Variants in HLA-F observed in about 807,000 individuals in gnomAD.
The protein encoded by HLA-F is HLA class I histocompatibility antigen, alpha chain F.
In HLA-F, 46 loss-of-function variants were observed where a neutral mutation model predicts 49.5. That is an observed-to-expected ratio of 0.93 (90% CI 0.73 to 1.19). The LOEUF is 1.19. Ranked by LOEUF, HLA-F falls within the 50% of genes most tolerant of loss-of-function variation. The probability of loss-of-function intolerance (pLI) is 0.00; values close to 1 mark genes in which losing one functional copy is unlikely to be tolerated. For synonymous variants in HLA-F, 203 were observed against 233.5 expected, an observed-to-expected ratio of 0.87 and a Z score of 1.19; for missense variants, 496 against 579.6, an observed-to-expected ratio of 0.86 and a Z score of 1.48.
intron 3 of HLA-F, 75 bp from the exon 4 acceptor site, chr6:29,724,956 C>A: frequency 6.5e-7 from 1 of 1,529,222 alleles, no homozygotes; most frequent in Non-Finnish European, 8.9e-7. Flanking sequence ...TGTCCATTCT[C>A]AGGTTGGTCA....
chr6:29,728,257 C>T, downstream of HLA-F: 1 of 362,428 alleles, frequency 2.8e-6, no homozygotes, highest in South Asian at 2.1e-5. Flanking sequence ...AACTGAGGGA[C>T]ACCCTGAAGG....
chr6:29,730,651 G>T (rs2127594251), downstream of HLA-F, among the ~76,000 whole-genome samples: 2 of 152,056 alleles, frequency 1.3e-5, no homozygotes, highest in Admixed American at 1.3e-4. Context: ...CTCAAGAACT[G>T]TAAACCAGAA....
chr6:29,732,632 C>T (rs1776723629), intron 3 of HLA-F, among the ~76,000 whole-genome samples: 1 of 151,776 alleles, frequency 6.6e-6, no homozygotes. Context: ...TTTTTTAGTA[C>T]AGATGGGGTT....
intron 3 of HLA-F, 117 bp from the exon 4 acceptor site, chr6:29,724,914 G>A: frequency 2.5e-6 from 3 of 1,184,868 alleles, no homozygotes; most frequent in Non-Finnish European, 3.6e-6. Context: ...TGGTGTCTGG[G>A]TTCTGTGCTC....
chr6:29,723,989 G>C, intron 2 of HLA-F, 62 bp downstream of exon 2: 9 of 1,558,406 alleles, frequency 5.8e-6, no homozygotes, highest in Non-Finnish European at 6.9e-6. Flanking sequence ...GGACCGCCCG[G>C]GTCCCTCAGA....
Position 29,723,697 on chromosome 6 carries a change from G to T in HLA-F, c.104G>T (p.Arg35Leu). Residue 35 changes from arginine to leucine, a missense_variant, in exon 2 of 7, where the codon CGG becomes CTG. Coordinates refer to ENST00000259951, the MANE Select transcript of HLA-F (RefSeq NM_001098479.2). The stretch of plus-strand genomic sequence containing the variant: ...AGGTATTTCAGCACCGCTGTGTCGC[G>T]GCCCGGCCGCGGGGAGCCCCGCTAC... The part of the protein sequence containing the change: ...SLRYFSTAVS[R>L]PGRGEPRYIA... 6.2e-7 allele frequency: 1 copy of T among 1,611,498 alleles called. No homozygotes were observed. The highest frequency in any genetic ancestry group is 8.5e-7 in the Non-Finnish European group (1 of 1,179,600).
intron 3 of HLA-F, chr6:29,736,380 A>AT (rs1777101685): frequency 4.4e-6 from 2 of 453,164 alleles, no homozygotes; most frequent in Non-Finnish European, 8.8e-6. Context: ...TATTTCATAG[A>AT]TTTTTAATAA....
Position 29,726,991 on chromosome 6 carries a change from T to C in HLA-F, c.1145T>C (p.Leu382Ser), listed in dbSNP as rs934278649. 7 of 1,613,346 alleles carry C rather than the reference T, an allele frequency of 4.3e-6. No homozygotes were observed. The African/African-American group carries it at 8.0e-5, about 18-fold the overall frequency. Reference protein sequence around the residue: ...YLGCLRSHSVLGRRKVGDMWI... With the variant: ...YLGCLRSHSVSGRRKVGDMWI... ...GGCTGCCTCCGGAGTCACAGTGTCT[T>C]GGGCCGCCGGAAGGTGGGTGACATG... Residue 382 changes from leucine (L) to serine (S), a missense_variant, in exon 7 of 7, where the codon TTG becomes TCG. Physicochemically the swap from Leu to Ser is moderately radical, Grantham distance 145. Coordinates refer to ENST00000259951, the MANE Select transcript of HLA-F (RefSeq NM_001098479.2).
rs17875379 is a variant in HLA-F at position 29,723,501 on chromosome 6, C to T, written c.38C>T (p.Ala13Val). The change falls in exon 1 of 7, where the codon GCC becomes GTC. Residue 13 changes from alanine to valine, a missense_variant. Transcript: ENST00000259951. ...PRSLLLLLSGALALTDTWAGS... is the reference protein window; with the variant it reads ...PRSLLLLLSGVLALTDTWAGS... ...AGCCTCCTCCTGCTGCTCTCAGGGG[C>T]CCTGGCCCTGACCGATACTTGGGCG... 1,468 of 1,613,484 alleles carry T rather than the reference C, an allele frequency of 9.1e-4. 12 individuals are homozygous for T. In the African/African-American group the frequency reaches 0.017, roughly 19 times the overall value.
chr6:29,728,379 G>A, downstream of HLA-F: 1 of 309,194 alleles, frequency 3.2e-6, no homozygotes, highest in Non-Finnish European at 6.4e-6. Context: ...CCATGAGACT[G>A]CATGCAGAAG....
downstream of HLA-F, among the ~76,000 whole-genome samples, chr6:29,731,996 A>G (rs911067077): frequency 1.3e-5 from 2 of 152,074 alleles, no homozygotes; most frequent in Non-Finnish European, 2.9e-5. Flanking sequence ...ACAAATTCTC[A>G]CTCTGTAGCC....
At chr6:29,731,629 C>T (rs764623111), downstream of HLA-F, among the ~76,000 whole-genome samples, 13 of 152,230 alleles carry the variant, frequency 8.5e-5, no homozygotes, top group East Asian at 1.9e-4. Flanking sequence ...GGATTTTCCC[C>T]GCTCAGTCAC....
At chr6:29,724,724 G>T (rs2127586578) in intron 3 of HLA-F, among the ~76,000 whole-genome samples, 1 of 152,234 alleles carries the variant, frequency 6.6e-6, no homozygotes, top group Middle Eastern at 3.4e-3. Context: ...CCCTCCAACA[G>T]CCTTGGGCCC....
downstream of HLA-F, chr6:29,729,489 CAATT>C (rs1776382296): frequency 6.6e-6 from 1 of 152,130 alleles, no homozygotes; most frequent in Non-Finnish European, 1.5e-5. Flanking sequence ...AAAATTAACT[CAATT>C]AACTCAGAAT....
chr6:29,725,742 A>G (rs1583263558), intron 5 of HLA-F, among the ~76,000 whole-genome samples, 179 bp downstream of exon 5: 1 of 152,294 alleles, frequency 6.6e-6, no homozygotes, highest in Admixed American at 6.5e-5. Flanking sequence ...AAAATGAAGG[A>G]CAGATTCTTC....
Position 29,723,661 on chromosome 6 carries a change from C to G in HLA-F, c.68C>G (p.Ser23Cys), listed in dbSNP as rs1260024810. The G allele has an allele frequency of 6.2e-7, 1 of 1,608,254 alleles. No homozygotes were observed. Among genetic ancestry groups the G allele is most frequent in the East Asian group, 2.2e-5 (1 of 44,832 alleles). ...CTCAGCCCCTCCTCGCCCCCAGGCTCCCACTCCTTGAGGTATTTCAGCACC... is the reference window on the plus strand; with the variant it reads ...CTCAGCCCCTCCTCGCCCCCAGGCTGCCACTCCTTGAGGTATTTCAGCACC... ...ALALTDTWAGSHSLRYFSTAV... is the reference protein window; with the variant it reads ...ALALTDTWAGCHSLRYFSTAV... Residue 23 changes from serine to cysteine, a missense_variant, in exon 2 of 7, where the codon TCC becomes TGC. Coordinates refer to ENST00000259951, the MANE Select transcript of HLA-F (RefSeq NM_001098479.2).
intron 3 of HLA-F, 68 bp from the exon 4 acceptor site, chr6:29,724,963 G>A: frequency 6.4e-7 from 1 of 1,559,998 alleles, no homozygotes; most frequent in Non-Finnish European, 8.7e-7. Context: ...TCTCAGGTTG[G>A]TCACATGGGT....
At chr6:29,728,182 AC>A, downstream of HLA-F, 1 of 439,230 alleles carries the variant, frequency 2.3e-6, no homozygotes, top group Non-Finnish European at 4.6e-6. Flanking sequence ...CAGCCCCAAT[AC>A]CAAGATTGCC....
At chr6:29,732,079 C>G (rs1306625255), downstream of HLA-F, among the ~76,000 whole-genome samples, 1 of 152,156 alleles carries the variant, frequency 6.6e-6, no homozygotes, top group Non-Finnish European at 1.5e-5. Context: ...ATCTTCCCAC[C>G]TCAAACACTG....
Sources: gnomAD v4.1 joint callset for allele counts (sites outside exome capture counted in the v4.1 genomes callset) on GRCh38, gnomAD v4.1.1 for gene constraint, MANE v1.5 for transcripts, NCBI Gene and HGNC (gene_info 2026-07-23, HGNC 2026-07-21) for gene names.